The following EPHA6 variants were observed in gnomAD, a reference collection of about 807,000 sequenced individuals.
EPHA6 encodes EPH receptor A6.
EPHA6 carries 50 observed loss-of-function variants against 112.0 expected under a neutral mutation model. The ratio of observed to expected loss-of-function variants is 0.45; its 90% CI spans 0.36 to 0.56. The LOEUF (loss-of-function observed/expected upper bound fraction) is 0.56. EPHA6 is among the 20% of genes least tolerant of loss of function. EPHA6 has a pLI of 0.00. For synonymous variants in EPHA6, 529 were observed against 490.7 expected (o/e 1.08, Z -1.03); for missense variants, 1,280 against 1,417.4 (o/e 0.90, Z 1.56).
Position 97,042,025 on chromosome 3 carries a change from A to G in EPHA6, c.1114+54032A>G, listed in dbSNP as rs1314401796. Among the ~76,000 whole-genome samples the G allele has an allele frequency of 2.0e-5, 3 of 152,186 alleles. No homozygotes were observed. In the East Asian group the frequency reaches 5.8e-4, roughly 30 times the overall value. On this transcript the variant is annotated intron_variant, in intron 3 of 17. Transcript: ENST00000389672. ...CCTTAATGGCCTTGGTCCTAGAGAT[A>G]TGTCATAGTTGTCCAGGGTATAATA...
chr3:97,419,150 C>T (rs905956095), intron 6 of EPHA6, among the ~76,000 whole-genome samples: 16 of 151,918 alleles, frequency 1.1e-4, no homozygotes, highest in African/African-American at 3.9e-4. Flanking sequence ...ACTAAAAATA[C>T]AAAATTGCGG....
At chr3:96,958,964 T>G (rs768090885) in intron 2 of EPHA6, among the ~76,000 whole-genome samples, 4 of 152,246 alleles carry the variant, frequency 2.6e-5, no homozygotes, top group Non-Finnish European at 4.4e-5. Context: ...GTAATGCCGC[T>G]GTGAACATTC....
At chr3:97,529,385 A>G (rs1173780627) in intron 10 of EPHA6, among the ~76,000 whole-genome samples, 1 of 152,124 alleles carries the variant, frequency 6.6e-6, no homozygotes, top group Non-Finnish European at 1.5e-5. Flanking sequence ...ACAGGATAAC[A>G]CTATGTAAGA....
At chr3:96,982,611 G>A (rs1421314579) in intron 2 of EPHA6, among the ~76,000 whole-genome samples, 3 of 152,090 alleles carry the variant, frequency 2.0e-5, no homozygotes, top group Admixed American at 2.0e-4. Context: ...GGATATCCTT[G>A]TTAACTTTCT....
chr3:96,893,048 C>T (rs1406710793), intron 2 of EPHA6, among the ~76,000 whole-genome samples: 5 of 151,400 alleles, frequency 3.3e-5, no homozygotes, highest in African/African-American at 4.9e-5. Context: ...ATGATGGTCC[C>T]GTAAGATTAT....
At chr3:97,172,262 C>T (rs1207264224) in intron 3 of EPHA6, among the ~76,000 whole-genome samples, 3 of 151,942 alleles carry the variant, frequency 2.0e-5, no homozygotes, top group Non-Finnish European at 4.4e-5. Context: ...TTTCTGTCTC[C>T]TCTGGATATG....
rs536897334 is a variant in EPHA6 at position 97,433,433 on chromosome 3, G to A, written c.1732-15135G>A. 4.6e-5 allele frequency among the ~76,000 whole-genome samples: 7 copies of A among 152,142 alleles called. No individual in the cohort carries two copies. In the South Asian group the frequency reaches 1.2e-3, roughly 27 times the overall value. Reference sequence around the variant, plus strand: ...TGCAAAAGACTTCATTTACAGCACAGTCAATAATGAACCAACAGGAGAGTT... The same window carrying A: ...TGCAAAAGACTTCATTTACAGCACAATCAATAATGAACCAACAGGAGAGTT... On this transcript the variant is annotated intron_variant, in intron 6 of 17. Coordinates refer to ENST00000389672, the MANE Select transcript of EPHA6 (RefSeq NM_001080448.3).
At chr3:96,960,487 T>G (rs1000777279) in intron 2 of EPHA6, among the ~76,000 whole-genome samples, 1 of 152,162 alleles carries the variant, frequency 6.6e-6, no homozygotes, top group Admixed American at 6.5e-5. Context: ...TTAAACCTCA[T>G]CATTTCTACT....
At chr3:97,538,594 G>T (rs1560112387) in intron 11 of EPHA6, among the ~76,000 whole-genome samples, 1 of 152,130 alleles carries the variant, frequency 6.6e-6, no homozygotes, top group Non-Finnish European at 1.5e-5. Flanking sequence ...AGATTGAGGA[G>T]AACTAGCATT....
chr3:97,489,469 A>C (rs987999387), intron 10 of EPHA6, among the ~76,000 whole-genome samples: 12 of 152,206 alleles, frequency 7.9e-5, no homozygotes, highest in African/African-American at 2.9e-4. Flanking sequence ...GTGGATCACG[A>C]GGTCAGGAGA....
chr3:97,142,125 C>T (rs1219998983), intron 3 of EPHA6, among the ~76,000 whole-genome samples: 1 of 151,928 alleles, frequency 6.6e-6, no homozygotes, highest in East Asian at 1.9e-4. Context: ...AAACAGCATT[C>T]CTTTCCGTGA....
intron 13 of EPHA6, among the ~76,000 whole-genome samples, chr3:97,627,207 G>A (rs977044567): frequency 2.6e-5 from 4 of 151,806 alleles, no homozygotes; most frequent in Non-Finnish European, 5.9e-5. Flanking sequence ...GACTACAGTA[G>A]GCCAGGTACT....
chr3:97,191,909 C>G (rs976315727), intron 3 of EPHA6, among the ~76,000 whole-genome samples: 5 of 152,076 alleles, frequency 3.3e-5, no homozygotes, highest in African/African-American at 1.2e-4. Context: ...CACTTCCAAA[C>G]AGTTCTCCAT....
At chr3:97,441,425 A>G (rs2090133734) in intron 6 of EPHA6, 1 of 978,676 alleles carries the variant, frequency 1.0e-6, no homozygotes, top group African/African-American at 1.8e-5. Context: ...GACAAACAAA[A>G]CTACAATGGA....
At chr3:97,092,657 G>T (rs1429604060) in intron 3 of EPHA6, among the ~76,000 whole-genome samples, 2 of 151,832 alleles carry the variant, frequency 1.3e-5, no homozygotes, top group Non-Finnish European at 2.9e-5. Context: ...AAGGTTATTG[G>T]TACTCTTTTC....
At position 97,433,474 on chromosome 3, in the gene EPHA6, T is replaced by C. The variant is rs957528783; in HGVS notation, c.1732-15094T>C. Among the ~76,000 whole-genome samples, 3 of 152,108 alleles carry C rather than the reference T, an allele frequency of 2.0e-5. No homozygotes were observed. The East Asian group carries it at 5.8e-4, about 29-fold the overall frequency. Reference sequence around the variant, plus strand: ...CAGGAGAGTTGCTGACTTTGGAACATATGAATATATAAAAATCCCTTGCAA... The same window carrying C: ...CAGGAGAGTTGCTGACTTTGGAACACATGAATATATAAAAATCCCTTGCAA... On this transcript the variant is annotated intron_variant, in intron 6 of 17. Transcript: ENST00000389672.
intron 7 of EPHA6, among the ~76,000 whole-genome samples, chr3:97,471,825 T>A (rs1385415003): frequency 6.6e-6 from 1 of 151,802 alleles, no homozygotes; most frequent in African/African-American, 2.4e-5. Flanking sequence ...CTGTATTGGT[T>A]TCCTAGGACT....
intron 2 of EPHA6, among the ~76,000 whole-genome samples, chr3:96,925,751 G>A (rs557314497): frequency 2.9e-4 from 44 of 151,946 alleles, no homozygotes; most frequent in African/African-American, 7.5e-4. Context: ...GATTACGAGC[G>A]CCTGCCACCA....
At chr3:97,577,793 T>G (rs950409006) in intron 11 of EPHA6, among the ~76,000 whole-genome samples, 12 of 152,102 alleles carry the variant, frequency 7.9e-5, no homozygotes, top group African/African-American at 1.9e-4. Flanking sequence ...TCTTTTCCGG[T>G]TTTTTGTTTT....
Sources: allele counts gnomAD v4.1 joint callset (sites outside exome capture counted in the v4.1 genomes callset), GRCh38; gene constraint gnomAD v4.1.1; transcripts MANE v1.5; gene names NCBI Gene and HGNC (gene_info 2026-07-23, HGNC 2026-07-21).